Variants in ADAMTS6 observed in about 807,000 individuals in gnomAD.
ADAMTS6 encodes A disintegrin and metalloproteinase with thrombospondin motifs 6.
Under a neutral mutation model 144.3 loss-of-function variants are expected in ADAMTS6, and 23 were observed. That is an observed-to-expected ratio of 0.16 (90% CI 0.11 to 0.23). The LOEUF is 0.23. ADAMTS6 is among the 10% of genes least tolerant of loss of function. ADAMTS6 has a pLI of 1.00. For missense variants in ADAMTS6, 999 were observed against 1,379.6 expected (o/e 0.72, Z 4.37); for synonymous variants, 444 against 457.5 (o/e 0.97, Z 0.38).
At chr5:65,154,931 T>G (rs1467588969) in intron 24 of ADAMTS6, among the ~76,000 whole-genome samples, 1 of 152,174 alleles carries the variant, frequency 6.6e-6, no homozygotes, top group African/African-American at 2.4e-5. Flanking sequence ...AAAATTATGA[T>G]GAGGGCAGGA....
intron 7 of ADAMTS6, among the ~76,000 whole-genome samples, chr5:65,386,923 T>C (rs557740635): frequency 2.6e-5 from 4 of 152,310 alleles, no homozygotes; most frequent in Admixed American, 2.0e-4. Context: ...TTAACAAGCA[T>C]TGACTGTTCA....
chr5:65,454,324 T>G (rs1759011404), intron 4 of ADAMTS6, among the ~76,000 whole-genome samples: 1 of 152,150 alleles, frequency 6.6e-6, no homozygotes, highest in Admixed American at 6.5e-5. Context: ...TTTTGAGAAA[T>G]GAGGTGGAAA....
chr5:65,409,898 A>G (rs1046016132), intron 7 of ADAMTS6, among the ~76,000 whole-genome samples: 5 of 152,348 alleles, frequency 3.3e-5, no homozygotes, highest in Admixed American at 2.6e-4. Flanking sequence ...GACAAAAACT[A>G]CATGATTATC....
intron 9 of ADAMTS6, among the ~76,000 whole-genome samples, chr5:65,305,629 G>T (rs1267473771): frequency 1.3e-5 from 2 of 151,994 alleles, no homozygotes; most frequent in African/African-American, 4.8e-5. Context: ...ATGAACAGTG[G>T]GTAACAAGAG....
At chr5:65,459,074 G>A (rs1451598367) in intron 4 of ADAMTS6, among the ~76,000 whole-genome samples, 1 of 149,032 alleles carries the variant, frequency 6.7e-6, no homozygotes, top group Non-Finnish European at 1.5e-5. Flanking sequence ...ACGGGGTCTC[G>A]CTATATTGCC....
At chr5:65,175,144 G>A (rs922104868) in intron 22 of ADAMTS6, among the ~76,000 whole-genome samples, 22 of 151,966 alleles carry the variant, frequency 1.4e-4, no homozygotes, top group Non-Finnish European at 5.9e-5. Context: ...GAGAACAGCA[G>A]CATAAGTGGC....
intron 21 of ADAMTS6, among the ~76,000 whole-genome samples, chr5:65,195,497 A>G (rs947920762): frequency 8.5e-5 from 13 of 152,222 alleles, no homozygotes; most frequent in African/African-American, 3.1e-4. Flanking sequence ...AGGGACTAGT[A>G]GTGAGTATCA....
chr5:65,473,780 A>G lies in ADAMTS6; in HGVS notation c.-107T>C. On this transcript the variant is annotated 5_prime_UTR_variant, in exon 2 of 25. Transcript: ENST00000381055. Reference sequence around the variant, plus strand: ...TTTTATTTCTTTAAAACTTCTTGCAAATTAGTTATTGGATGTTCCACTGTT... The same window carrying G: ...TTTTATTTCTTTAAAACTTCTTGCAGATTAGTTATTGGATGTTCCACTGTT... 1 of 846,076 alleles carries G rather than the reference A, an allele frequency of 1.2e-6. No homozygotes were observed. 52.4% of individuals were successfully genotyped at this position (846,076 alleles called of 1,614,324 possible).
intron 9 of ADAMTS6, among the ~76,000 whole-genome samples, chr5:65,321,922 G>GC (rs1561421356): frequency 6.6e-6 from 1 of 151,588 alleles, no homozygotes; most frequent in Non-Finnish European, 1.5e-5. Context: ...TGCCATCTTT[G>GC]CCAGGCTGGT....
chr5:65,151,858 C>T lies in ADAMTS6; in HGVS notation c.3332G>A (p.Cys1111Tyr). 1 of 1,613,616 alleles carries T rather than the reference C, an allele frequency of 6.2e-7. No homozygotes were observed. Among genetic ancestry groups the T allele is most frequent in the Non-Finnish European group, 8.5e-7 (1 of 1,179,542 alleles). Reference protein sequence around the residue: ...CSRAYFRQMCCKTCQGH With the variant: ...CSRAYFRQMCYKTCQGH ...GGGTCAGTGTCCTTGGCAGGTCTTACAACACATCTGTCTGAAGTATGCTCG... is the reference window on the plus strand; with the variant it reads ...GGGTCAGTGTCCTTGGCAGGTCTTATAACACATCTGTCTGAAGTATGCTCG... Residue 1111 changes from cysteine to tyrosine, a missense_variant, in exon 25 of 25, where the codon TGT becomes TAT. Physicochemically the swap from Cys to Tyr is radical, Grantham distance 194 (BLOSUM62 -2). Coordinates refer to ENST00000381055, the MANE Select transcript of ADAMTS6 (RefSeq NM_197941.4).
rs775552796 is a variant in ADAMTS6, at chr5:65,346,954, TA to T, written c.1074-12870del. Among the ~76,000 whole-genome samples the T allele has an allele frequency of 8.7e-3, 1,240 of 141,950 alleles. 13 individuals are homozygous for T. The highest frequency in any genetic ancestry group is 0.026 in the African/African-American group (1,033 of 39,228). The allele number at this position is 141,950 out of a possible 152,430, so 93.1% of individuals were successfully genotyped here. A position where few individuals can be genotyped will look rare whatever the true frequency, so the allele number is the denominator to read the frequency against. ...AAAATAATCCCATTTACAATACCAT[TA>T]AAAAAAAAAACCTTAGGAATACATT... On this transcript the variant is annotated intron_variant, in intron 7 of 24. Coordinates refer to ENST00000381055, the MANE Select transcript of ADAMTS6 (RefSeq NM_197941.4).
chr5:65,479,289 C>G lies in ADAMTS6; in HGVS notation c.-280+2054G>C, dbSNP rs7727100. ...AATTAGGCTCTAAGTATAAAGGTTT[C>G]TAGATCATTTATAAAATTTGTGAGA... On this transcript the variant is annotated intron_variant, in intron 1 of 24. Coordinates refer to ENST00000381055, the MANE Select transcript of ADAMTS6 (RefSeq NM_197941.4). Among the ~76,000 whole-genome samples, 597 of 152,226 alleles carry G rather than the reference C, an allele frequency of 3.9e-3. 7 individuals carry two copies. Among genetic ancestry groups the G allele is most frequent in the African/African-American group, 0.014 (581 of 41,518 alleles).
At chr5:65,341,367 T>G (rs935111696) in intron 7 of ADAMTS6, among the ~76,000 whole-genome samples, 1 of 151,166 alleles carries the variant, frequency 6.6e-6, no homozygotes, top group African/African-American at 2.4e-5. Flanking sequence ...CAACAATAAA[T>G]GAAAATGAAA....
chr5:65,274,963 C>T (rs1047232052), intron 11 of ADAMTS6, among the ~76,000 whole-genome samples: 1 of 152,024 alleles, frequency 6.6e-6, no homozygotes. Context: ...AGATTACAGG[C>T]GTGAGCCACC....
At chr5:65,161,866 T>C (rs1289515960) in intron 24 of ADAMTS6, among the ~76,000 whole-genome samples, 1 of 152,246 alleles carries the variant, frequency 6.6e-6, no homozygotes, top group Non-Finnish European at 1.5e-5. Context: ...CTTCTTTCTT[T>C]TAAATGAGTT....
chr5:65,460,969 T>G (rs1016557900), intron 3 of ADAMTS6, among the ~76,000 whole-genome samples: 4 of 152,184 alleles, frequency 2.6e-5, no homozygotes, highest in African/African-American at 9.7e-5. Context: ...GTTACATCAA[T>G]TAATATGTTC....
At chr5:65,425,343 A>G (rs1338064220) in intron 7 of ADAMTS6, among the ~76,000 whole-genome samples, 2 of 152,144 alleles carry the variant, frequency 1.3e-5, no homozygotes, top group African/African-American at 4.8e-5. Context: ...ATAAAGTTTT[A>G]CTTTTTGAAT....
chr5:65,369,462 C>CT (rs571032740), intron 7 of ADAMTS6, among the ~76,000 whole-genome samples: 4 of 150,732 alleles, frequency 2.7e-5, no homozygotes, highest in Admixed American at 6.6e-5. Flanking sequence ...GAAAAACTAT[C>CT]TTTTTTTTTG....
At chr5:65,395,615 C>T (rs1753272135) in intron 7 of ADAMTS6, among the ~76,000 whole-genome samples, 1 of 152,118 alleles carries the variant, frequency 6.6e-6, no homozygotes, top group Non-Finnish European at 1.5e-5. Context: ...ATGCCCTGTT[C>T]TTTGCCACTA....
Sources: allele counts gnomAD v4.1 joint callset (sites outside exome capture counted in the v4.1 genomes callset), GRCh38; gene constraint gnomAD v4.1.1; transcripts MANE v1.5; gene names NCBI Gene and HGNC (gene_info 2026-07-23, HGNC 2026-07-21).